Variants in CSMD1 observed in about 807,000 individuals in gnomAD.
The protein encoded by CSMD1 is CUB and sushi domain-containing protein 1.
Under a neutral mutation model 417.5 loss-of-function variants are expected in CSMD1, and 213 were observed. The observed-to-expected ratio is 0.51, with a 90% CI of 0.46 to 0.57. The LOEUF (loss-of-function observed/expected upper bound fraction) is 0.57, where lower values mean the gene tolerates loss of function less well. Ranked by LOEUF, CSMD1 falls within the 20% of genes least tolerant of loss-of-function variation. CSMD1 has a pLI of 0.00. For synonymous variants in CSMD1, 2,862 were observed against 1,736.8 expected (o/e 1.65, Z -16.11); for missense variants, 6,923 against 4,529.7 (o/e 1.53, Z -15.17).
At chr8:4,184,385 C>T (rs1288637222) in intron 3 of CSMD1, among the ~76,000 whole-genome samples, 1 of 152,168 alleles carries the variant, frequency 6.6e-6, no homozygotes, top group Non-Finnish European at 1.5e-5. Context: ...CTAGCTATTT[C>T]CAATTCTAAT....
chr8:3,619,050 G>A (rs549707028), intron 7 of CSMD1, among the ~76,000 whole-genome samples: 1 of 152,144 alleles, frequency 6.6e-6, no homozygotes, highest in South Asian at 2.1e-4. Flanking sequence ...GAAAACTGCA[G>A]CAAGATTGCA....
At chr8:4,874,035 T>A (rs961911040) in intron 1 of CSMD1, among the ~76,000 whole-genome samples, 2 of 152,150 alleles carry the variant, frequency 1.3e-5, no homozygotes, top group Non-Finnish European at 2.9e-5. Flanking sequence ...CTATCATCTA[T>A]CTATCTGTGT....
At position 2,996,005 on chromosome 8, in the gene CSMD1, A is replaced by G. The variant is rs1426405952; in HGVS notation, c.8377+2006T>C. 4.6e-5 allele frequency among the ~76,000 whole-genome samples: 7 copies of G among 152,130 alleles called. No homozygotes were observed. In the East Asian group the frequency reaches 1.2e-3, roughly 25 times the overall value. On this transcript the variant is annotated intron_variant, in intron 54 of 69. Coordinates refer to ENST00000635120, the MANE Select transcript of CSMD1 (RefSeq NM_033225.6). ...TCAATGTCCATATGCTGGTTGGTCTAATACCCTCTAAGTTTGCAAGATTCT... is the reference window on the plus strand; with the variant it reads ...TCAATGTCCATATGCTGGTTGGTCTGATACCCTCTAAGTTTGCAAGATTCT...
intron 7 of CSMD1, among the ~76,000 whole-genome samples, chr8:3,649,641 AG>A (rs1441843392): frequency 5.9e-5 from 9 of 152,192 alleles, no homozygotes; most frequent in African/African-American, 4.8e-5. Flanking sequence ...AACAGCACGG[AG>A]AAACCACCCC....
intron 3 of CSMD1, among the ~76,000 whole-genome samples, chr8:4,220,875 A>G (rs1800988507): frequency 6.6e-6 from 1 of 152,166 alleles, no homozygotes; most frequent in Non-Finnish European, 1.5e-5. Context: ...ACAAGTAAGA[A>G]GATTTGGGAC....
At chr8:3,097,778 G>C (rs953445974) in intron 46 of CSMD1, among the ~76,000 whole-genome samples, 1 of 152,162 alleles carries the variant, frequency 6.6e-6, no homozygotes. Flanking sequence ...GGGAACTACT[G>C]TACTTAGCAT....
chr8:4,283,893 T>C (rs936319132), intron 3 of CSMD1, among the ~76,000 whole-genome samples: 8 of 152,198 alleles, frequency 5.3e-5, no homozygotes, highest in African/African-American at 1.9e-4. Flanking sequence ...GTCTTATACA[T>C]ACATTTTCAT....
chr8:4,078,250 T>A (rs979916403), intron 3 of CSMD1, among the ~76,000 whole-genome samples: 1 of 152,034 alleles, frequency 6.6e-6, no homozygotes, highest in Non-Finnish European at 1.5e-5. Flanking sequence ...ACGTATTACG[T>A]AATTGCACTA....
chr8:3,149,761 C>T, intron 40 of CSMD1, among the ~76,000 whole-genome samples: 1 of 152,126 alleles, frequency 6.6e-6, no homozygotes, highest in South Asian at 2.1e-4. Flanking sequence ...TATAATTAAC[C>T]CTCACCATAA....
At chr8:3,902,237 C>A (rs1002602631) in intron 5 of CSMD1, among the ~76,000 whole-genome samples, 4 of 152,170 alleles carry the variant, frequency 2.6e-5, no homozygotes, top group Non-Finnish European at 5.9e-5. Flanking sequence ...CATTGACCAC[C>A]TCCCAACCCA....
chr8:4,647,639 C>A (rs1803620870), intron 1 of CSMD1, among the ~76,000 whole-genome samples: 1 of 151,828 alleles, frequency 6.6e-6, no homozygotes, highest in Non-Finnish European at 1.5e-5. Flanking sequence ...TTGTTCAGCT[C>A]CCACTTGTGA....
intron 1 of CSMD1, among the ~76,000 whole-genome samples, chr8:4,671,611 T>G (rs1012173802): frequency 1.3e-5 from 2 of 152,216 alleles, no homozygotes; most frequent in South Asian, 4.1e-4. Context: ...CTTCAACAGT[T>G]CCTCTCTCAG....
intron 10 of CSMD1, among the ~76,000 whole-genome samples, chr8:3,549,742 G>T (rs902383514): frequency 1.3e-5 from 2 of 152,056 alleles, no homozygotes; most frequent in African/African-American, 4.8e-5. Context: ...GCAAGAAGGC[G>T]ATCCCCAGAT....
intron 2 of CSMD1, among the ~76,000 whole-genome samples, chr8:4,428,758 C>A (rs1411143257): frequency 6.6e-6 from 1 of 152,062 alleles, no homozygotes; most frequent in Admixed American, 6.6e-5. Flanking sequence ...CTAGCTTTGT[C>A]GCCCAGGCTG....
chr8:4,758,127 A>G (rs1350313971), intron 1 of CSMD1, among the ~76,000 whole-genome samples: 1 of 152,172 alleles, frequency 6.6e-6, no homozygotes, highest in African/African-American at 2.4e-5. Flanking sequence ...AATTGGCAAC[A>G]TTGACCAACC....
chr8:4,511,711 C>A (rs1360811585), intron 2 of CSMD1, among the ~76,000 whole-genome samples: 1 of 152,156 alleles, frequency 6.6e-6, no homozygotes, highest in African/African-American at 2.4e-5. Context: ...TGATGAACTG[C>A]TGCTGGCTCA....
chr8:4,803,536 T>C (rs559877002), intron 1 of CSMD1, among the ~76,000 whole-genome samples: 82 of 152,272 alleles, frequency 5.4e-4, no homozygotes, highest in African/African-American at 1.9e-3. Flanking sequence ...AGAGACAAAT[T>C]TGACTGTAAA....
At chr8:4,155,978 T>G in intron 3 of CSMD1, among the ~76,000 whole-genome samples, 1 of 152,170 alleles carries the variant, frequency 6.6e-6, no homozygotes, top group Admixed American at 6.5e-5. Context: ...CACCAAAGTC[T>G]GCTGATAAAC....
chr8:4,047,405 G>A (rs966422132), intron 3 of CSMD1, among the ~76,000 whole-genome samples: 10 of 152,114 alleles, frequency 6.6e-5, no homozygotes, highest in Middle Eastern at 6.8e-3. Context: ...GAAATATTGC[G>A]GAAAAAATAA....
Sources: gnomAD v4.1 joint callset for allele counts (sites outside exome capture counted in the v4.1 genomes callset) on GRCh38, gnomAD v4.1.1 for gene constraint, MANE v1.5 for transcripts, NCBI Gene and HGNC (gene_info 2026-07-23, HGNC 2026-07-21) for gene names.